FHIT: variants seen among roughly 807,000 people sequenced by gnomAD.
FHIT encodes fragile histidine triad diadenosine triphosphatase, also known as bis(5'-adenosyl)-triphosphatase.
In FHIT, 19 loss-of-function variants were observed where a neutral mutation model predicts 17.9. That is an observed-to-expected ratio of 1.06 (90% CI 0.74 to 1.56). The LOEUF (loss-of-function observed/expected upper bound fraction) is 1.56. Ranked by LOEUF, FHIT falls within the 40% of genes most tolerant of loss-of-function variation. FHIT has a pLI of 0.00. For synonymous variants in FHIT, 81 were observed against 69.7 expected, an observed-to-expected ratio of 1.16 and a Z score of -0.81; for missense variants, 248 against 189.2, an observed-to-expected ratio of 1.31 and a Z score of -1.82.
intron 5 of FHIT, among the ~76,000 whole-genome samples, chr3:60,097,580 T>A (rs1704007616): frequency 6.6e-6 from 1 of 152,178 alleles, no homozygotes; most frequent in African/African-American, 2.4e-5. Context: ...TACAGCCTAC[T>A]TAATGTGAAG....
At chr3:60,834,882 A>G (rs1379495056) in intron 3 of FHIT, among the ~76,000 whole-genome samples, 2 of 74,590 alleles carry the variant, frequency 2.7e-5, no homozygotes, top group Admixed American at 2.4e-4. Flanking sequence ...AAAAGAAAAG[A>G]AAAAAAAAAA....
At chr3:60,665,037 A>G (rs1439736418) in intron 4 of FHIT, among the ~76,000 whole-genome samples, 1 of 151,904 alleles carries the variant, frequency 6.6e-6, no homozygotes, top group Non-Finnish European at 1.5e-5. Context: ...ATAGGAACTT[A>G]GGTTATTGAT....
chr3:60,581,365 T>C (rs1272062654), intron 4 of FHIT, among the ~76,000 whole-genome samples: 11 of 152,108 alleles, frequency 7.2e-5, no homozygotes, highest in African/African-American at 1.4e-4. Context: ...ACCTTGCTCT[T>C]GACCTCTATC....
At chr3:60,177,349 C>T (rs1701726654) in intron 5 of FHIT, among the ~76,000 whole-genome samples, 1 of 151,018 alleles carries the variant, frequency 6.6e-6, no homozygotes, top group African/African-American at 2.4e-5. Context: ...ATGAAACTGC[C>T]AGGCAAAAGT....
chr3:59,992,855 T>A (rs1008083682), intron 7 of FHIT, among the ~76,000 whole-genome samples: 1 of 152,056 alleles, frequency 6.6e-6, no homozygotes, highest in African/African-American at 2.4e-5. Flanking sequence ...GTTCCAGATA[T>A]GAAGACAGGA....
chr3:60,403,216 G>A (rs1403613477), intron 5 of FHIT, among the ~76,000 whole-genome samples: 3 of 152,174 alleles, frequency 2.0e-5, no homozygotes, highest in African/African-American at 4.8e-5. Flanking sequence ...ACAGAGCTGG[G>A]CAAAGGAAAA....
At chr3:60,778,905 G>A (rs183006668) in intron 4 of FHIT, among the ~76,000 whole-genome samples, 28 of 152,272 alleles carry the variant, frequency 1.8e-4, no homozygotes, top group African/African-American at 6.5e-4. Flanking sequence ...CAGGGTTCCT[G>A]ACCTGTGGTC....
At chr3:60,980,348 C>A (rs941459703) in intron 3 of FHIT, among the ~76,000 whole-genome samples, 1 of 152,050 alleles carries the variant, frequency 6.6e-6, no homozygotes, top group African/African-American at 2.4e-5. Flanking sequence ...AATGAAGCAA[C>A]AATATAAGGA....
At chr3:61,229,057 C>T (rs1003461665) in intron 1 of FHIT, among the ~76,000 whole-genome samples, 4 of 152,100 alleles carry the variant, frequency 2.6e-5, no homozygotes, top group Non-Finnish European at 5.9e-5. Context: ...GAGTAAAAAC[C>T]TGTACTGGGT....
At chr3:61,089,739 T>C (rs2035421824) in intron 2 of FHIT, among the ~76,000 whole-genome samples, 1 of 152,188 alleles carries the variant, frequency 6.6e-6, no homozygotes, top group Admixed American at 6.6e-5. Context: ...GACTAAGTTT[T>C]ATTCTATTCA....
intron 4 of FHIT, among the ~76,000 whole-genome samples, chr3:60,576,586 T>A (rs2037572880): frequency 6.6e-6 from 1 of 152,092 alleles, no homozygotes; most frequent in Non-Finnish European, 1.5e-5. Context: ...GAAACACAAT[T>A]CCATGACGTT....
intron 8 of FHIT, among the ~76,000 whole-genome samples, chr3:59,796,043 G>A (rs952248822): frequency 6.6e-6 from 1 of 152,308 alleles, no homozygotes; most frequent in African/African-American, 2.4e-5. Context: ...GGTGGAGACA[G>A]GGAATGCCAC....
chr3:60,744,269 A>AAAAAAAAAAAAAAAAAAAAAAAAAAAC (rs2042306809), intron 4 of FHIT, among the ~76,000 whole-genome samples: 2 of 16,062 alleles, frequency 1.2e-4, no homozygotes, highest in Non-Finnish European at 1.3e-4. Context: ...AAAACAAAAC[A>AAAAAAAAAAAAAAAAAAAAAAAAAAAC]AAAAAAAAAA....
At chr3:59,995,716 C>A (rs1348824570) in intron 7 of FHIT, among the ~76,000 whole-genome samples, 1 of 152,072 alleles carries the variant, frequency 6.6e-6, no homozygotes, top group Non-Finnish European at 1.5e-5. Context: ...CCACCCTAAA[C>A]CACACATACC....
chr3:60,450,055 C>G (rs2031628890), intron 5 of FHIT, among the ~76,000 whole-genome samples: 1 of 148,556 alleles, frequency 6.7e-6, no homozygotes, highest in Admixed American at 6.7e-5. Context: ...AATGGTAGAC[C>G]TATATAGAGC....
chr3:60,707,352 C>G (rs2041399946), intron 4 of FHIT, among the ~76,000 whole-genome samples: 1 of 152,226 alleles, frequency 6.6e-6, no homozygotes, highest in African/African-American at 2.4e-5. Context: ...TATTCTCTCT[C>G]TGCCTCTAAG....
At chr3:60,688,159 A>G (rs1200509742) in intron 4 of FHIT, among the ~76,000 whole-genome samples, 3 of 152,144 alleles carry the variant, frequency 2.0e-5, no homozygotes, top group East Asian at 1.9e-4. Context: ...TCACAATGAG[A>G]TTCAGCTTTA....
At chr3:60,372,297 GCACCACCCCTT>G (rs1263328245) in intron 5 of FHIT, among the ~76,000 whole-genome samples, 2 of 152,184 alleles carry the variant, frequency 1.3e-5, no homozygotes, top group Admixed American at 1.3e-4. Flanking sequence ...TGAGCATAGA[GCACCACCCCTT>G]CACCACCACC....
chr3:61,033,130 T>A (rs1423513122), intron 3 of FHIT, among the ~76,000 whole-genome samples: 2 of 152,336 alleles, frequency 1.3e-5, no homozygotes, highest in African/African-American at 4.8e-5. Flanking sequence ...CACATGCTAA[T>A]CTCTTCCAGA....
Sources: allele counts gnomAD v4.1 joint callset (sites outside exome capture counted in the v4.1 genomes callset), GRCh38; gene constraint gnomAD v4.1.1; transcripts MANE v1.5; gene names NCBI Gene and HGNC (gene_info 2026-07-23, HGNC 2026-07-21).